Variants in PHKB observed in about 807,000 individuals in gnomAD.
PHKB encodes the protein phosphorylase b kinase regulatory subunit beta.
A neutral mutation model predicts 152.1 loss-of-function variants in PHKB; 122 were observed. The ratio of observed to expected loss-of-function variants is 0.80; its 90% confidence interval spans 0.69 to 0.93. The LOEUF (loss-of-function observed/expected upper bound fraction) is 0.93. Among genes scored for constraint, PHKB ranks in the 40% least tolerant of loss-of-function variants. PHKB has a pLI of 0.00. For synonymous variants in PHKB, 436 were observed against 464.9 expected (o/e 0.94, Z 0.80); for missense variants, 1,304 against 1,328.4 (o/e 0.98, Z 0.29).
At chr16:47,539,305 A>G (rs1262997731) in intron 6 of PHKB, among the ~76,000 whole-genome samples, 1 of 152,202 alleles carries the variant, frequency 6.6e-6, no homozygotes, top group Admixed American at 6.5e-5. Flanking sequence ...GATAATGAAT[A>G]AACTCAGAAC....
At chr16:47,689,496 C>T (rs1974023612) in intron 27 of PHKB, among the ~76,000 whole-genome samples, 2 of 152,180 alleles carry the variant, frequency 1.3e-5, no homozygotes, top group African/African-American at 4.8e-5. Context: ...ACCTTTGTGG[C>T]ACTCACCATC....
chr16:47,542,447 T>A (rs1454337253), intron 6 of PHKB, among the ~76,000 whole-genome samples: 1 of 152,176 alleles, frequency 6.6e-6, no homozygotes, highest in Non-Finnish European at 1.5e-5. Flanking sequence ...GCCTCCAGCT[T>A]CATTTTTTTT....
intron 14 of PHKB, among the ~76,000 whole-genome samples, chr16:47,612,007 G>A (rs142335279): frequency 2.0e-5 from 3 of 152,176 alleles, no homozygotes; most frequent in Admixed American, 1.3e-4. Flanking sequence ...ACTTGGCGAC[G>A]TGTTGGGGAA....
chr16:47,610,747 G>A, intron 13 of PHKB, 79 bp from the exon 14 acceptor site: 2 of 798,834 alleles, frequency 2.5e-6, no homozygotes, highest in Non-Finnish European at 4.5e-6. Flanking sequence ...TCTTGTTGGA[G>A]TATTTTCTAA....
intron 14 of PHKB, among the ~76,000 whole-genome samples, chr16:47,613,620 T>C (rs1476507527): frequency 6.6e-6 from 1 of 152,214 alleles, no homozygotes; most frequent in Non-Finnish European, 1.5e-5. Context: ...TTCTGTTTCT[T>C]TATTTTTGGC....
At chr16:47,645,033 A>C (rs2151728249) in intron 16 of PHKB, among the ~76,000 whole-genome samples, 1 of 152,366 alleles carries the variant, frequency 6.6e-6, no homozygotes, top group Non-Finnish European at 1.5e-5. Flanking sequence ...GATTTCTTGA[A>C]ATAAAAAAGA....
chr16:47,630,893 A>G (rs1463552582), intron 14 of PHKB, among the ~76,000 whole-genome samples: 1 of 152,132 alleles, frequency 6.6e-6, no homozygotes, highest in East Asian at 1.9e-4. Context: ...CAGCTGGGAC[A>G]TGGGCTTTTT....
chr16:47,572,309 G>C (rs1055212443), intron 7 of PHKB, among the ~76,000 whole-genome samples: 66 of 152,154 alleles, frequency 4.3e-4, no homozygotes, highest in African/African-American at 1.4e-3. Flanking sequence ...GTCTCTCAGG[G>C]TTTGATACTC....
At chr16:47,526,743 T>C (rs1970775431) in intron 6 of PHKB, among the ~76,000 whole-genome samples, 1 of 152,174 alleles carries the variant, frequency 6.6e-6, no homozygotes, top group African/African-American at 2.4e-5. Context: ...TTGTAGCATA[T>C]AGCGGAAGTG....
chr16:47,640,376 A>G (rs1972996491), intron 14 of PHKB, among the ~76,000 whole-genome samples: 1 of 152,206 alleles, frequency 6.6e-6, no homozygotes, highest in African/African-American at 2.4e-5. Context: ...TCAATTTAAC[A>G]ATGTATAATA....
intron 1 of PHKB, among the ~76,000 whole-genome samples, chr16:47,489,616 C>A (rs556204016): frequency 4.6e-5 from 7 of 152,318 alleles, no homozygotes; most frequent in African/African-American, 1.4e-4. Context: ...GTAACCCTCT[C>A]TTAAGGTCCC....
chr16:47,534,833 A>T (rs1490936345), intron 6 of PHKB, among the ~76,000 whole-genome samples: 3 of 152,246 alleles, frequency 2.0e-5, no homozygotes, highest in African/African-American at 7.2e-5. Flanking sequence ...CCAAAAATGC[A>T]TTACTTTTGT....
intron 25 of PHKB, chr16:47,665,907 G>A (rs1237369471): frequency 1.2e-5 from 17 of 1,471,122 alleles, no homozygotes; most frequent in Non-Finnish European, 1.6e-5. Flanking sequence ...TTTTAGATTT[G>A]TGAACATCTG....
chr16:47,571,868 T>G (rs1306891267), intron 7 of PHKB, among the ~76,000 whole-genome samples: 2 of 152,136 alleles, frequency 1.3e-5, no homozygotes, highest in Non-Finnish European at 2.9e-5. Flanking sequence ...GGTTCATACT[T>G]TGGTTTCTTT....
chr16:47,539,600 C>T (rs544327271), intron 6 of PHKB, among the ~76,000 whole-genome samples: 1 of 151,778 alleles, frequency 6.6e-6, no homozygotes, highest in Non-Finnish European at 1.5e-5. Flanking sequence ...AGACTCTAAG[C>T]TTAAGTGAGC....
Position 47,654,562 on chromosome 16 carries a change from A to C in PHKB, c.1971+3641A>C, listed in dbSNP as rs185994509. Among the ~76,000 whole-genome samples, 323 of 152,266 alleles carry C rather than the reference A, an allele frequency of 2.1e-3. 5 individuals are homozygous for C. The East Asian group carries it at 0.033, about 16-fold the overall frequency. ...GACTTGGAACCAACCCAAATGTCCA[A>C]CAATGATAGACTGGATTAAGAAAAT... is the stretch of plus-strand genomic sequence containing the variant. On this transcript the variant is annotated intron_variant, in intron 20 of 30. Coordinates refer to ENST00000323584, the MANE Select transcript of PHKB (RefSeq NM_000293.3).
At position 47,578,352 on chromosome 16, in the gene PHKB, T is replaced by C. The variant is rs145517822; in HGVS notation, c.711-1943T>C. On this transcript the variant is annotated intron_variant, in intron 7 of 30. Transcript: ENST00000323584. ...TTTTTTTCATTTGGTTTGAGATCTT[T>C]CAGTTTCCAGGTATGAGGAGTGTTT... Among the ~76,000 whole-genome samples the C allele has an allele frequency of 2.0e-5, 3 of 152,304 alleles. No homozygotes were observed. In the East Asian group the frequency reaches 5.8e-4, roughly 29 times the overall value.
intron 4 of PHKB, among the ~76,000 whole-genome samples, chr16:47,504,016 A>G (rs1305876177): frequency 6.6e-6 from 1 of 152,208 alleles, no homozygotes; most frequent in African/African-American, 2.4e-5. Context: ...ACATCAATGC[A>G]TATGGGTCCC....
chr16:47,502,990 G>A lies in PHKB; in HGVS notation c.306-1G>A, dbSNP rs1190291510. ...TTTCATGAGTTATCTCTCTCACCCA[G>A]GCGAATTGATGATGACAAGGGAAGG... On this transcript the variant is annotated splice_acceptor_variant, in intron 3 of 30. Coordinates refer to ENST00000323584, the MANE Select transcript of PHKB (RefSeq NM_000293.3). LOFTEE classifies it high-confidence loss of function. 2 of 1,604,772 alleles carry A rather than the reference G, an allele frequency of 1.2e-6. No homozygotes were observed. Among genetic ancestry groups the A allele is most frequent in the South Asian group, 2.2e-5 (2 of 90,886 alleles).
Sources: allele counts gnomAD v4.1 joint callset (sites outside exome capture counted in the v4.1 genomes callset), GRCh38; gene constraint gnomAD v4.1.1; transcripts MANE v1.5; gene names NCBI Gene and HGNC (gene_info 2026-07-23, HGNC 2026-07-21).